Variants in PPP1R9A observed in about 807,000 individuals in gnomAD.
The protein encoded by PPP1R9A is protein phosphatase 1 regulatory subunit 9A.
Under a neutral mutation model 141.9 loss-of-function variants are expected in PPP1R9A, and 59 were observed. The ratio of observed to expected loss-of-function variants is 0.42; its 90% CI spans 0.34 to 0.52. The LOEUF (loss-of-function observed/expected upper bound fraction) is 0.52. PPP1R9A is among the 20% of genes least tolerant of loss of function. The probability of loss-of-function intolerance (pLI) is 0.10; values close to 1 mark genes in which losing one functional copy is unlikely to be tolerated. For synonymous variants in PPP1R9A, 500 were observed against 569.7 expected (o/e 0.88, Z 1.74); for missense variants, 1,444 against 1,611.9 (o/e 0.90, Z 1.78).
At chr7:94,929,122 C>G (rs990729802) in intron 2 of PPP1R9A, among the ~76,000 whole-genome samples, 2 of 152,168 alleles carry the variant, frequency 1.3e-5, no homozygotes, top group African/African-American at 4.8e-5. Flanking sequence ...CTGCCATTTT[C>G]AATTATCGGA....
intron 2 of PPP1R9A, among the ~76,000 whole-genome samples, chr7:94,947,186 G>A (rs925732209): frequency 1.3e-5 from 2 of 152,242 alleles, no homozygotes; most frequent in Admixed American, 6.5e-5. Context: ...CTCTGGAGCT[G>A]GTCAGGTGAA....
At chr7:95,125,057 C>A (rs1823323808) in intron 4 of PPP1R9A, among the ~76,000 whole-genome samples, 1 of 152,178 alleles carries the variant, frequency 6.6e-6, no homozygotes, top group South Asian at 2.1e-4. Context: ...TCAAGCTTTT[C>A]ATGTGTGTAC....
At position 95,223,564 on chromosome 7, in the gene PPP1R9A, G is replaced by C. The variant is rs147393474; in HGVS notation, c.1957-2397G>C. Among the ~76,000 whole-genome samples, 5 of 151,950 alleles carry C rather than the reference G, an allele frequency of 3.3e-5. No individual in the cohort carries two copies. In the East Asian group the frequency reaches 9.7e-4, roughly 29 times the overall value. ...TTTGCTGAGATCCTGTTATATGTCA[G>C]GTCCCATCCTAGGCACATATTTATA... On this transcript the variant is annotated intron_variant, in intron 7 of 19. Coordinates refer to ENST00000433360, the MANE Select transcript of PPP1R9A (RefSeq NM_001166160.2).
At chr7:94,929,040 A>T (rs1161074727) in intron 2 of PPP1R9A, among the ~76,000 whole-genome samples, 2 of 152,224 alleles carry the variant, frequency 1.3e-5, no homozygotes, top group Non-Finnish European at 2.9e-5. Context: ...GTAAATGAAT[A>T]TACTTCTAGG....
chr7:95,111,303 C>G lies in PPP1R9A; in HGVS notation c.1440C>G (p.Asp480Glu), dbSNP rs748439693. 6.2e-7 allele frequency: 1 copy of G among 1,612,260 alleles called. No homozygotes were observed. The highest frequency in any genetic ancestry group is 8.5e-7 in the Non-Finnish European group (1 of 1,179,072). Residue 480 changes from aspartate to glutamate, a missense_variant, in exon 3 of 20, where the codon GAC (aspartate) becomes GAG (glutamate). Asp to Glu is a conservative substitution (Grantham distance 45). This residue lies in a region of PPP1R9A where 488 missense variants were observed against 542.0 expected (regional missense o/e 0.90). Transcript: ENST00000433360. ...ATGAAGACTATGACAGGAGAAATGA[C>G]GAAGTTGACCCTGTGGCTGCTTCAG... ...YSNEDYDRRNDEVDPVAASAE... is the reference protein window; with the variant it reads ...YSNEDYDRRNEEVDPVAASAE...
chr7:95,195,445 T>C (rs998723619), intron 5 of PPP1R9A, among the ~76,000 whole-genome samples: 2 of 134,396 alleles, frequency 1.5e-5, no homozygotes, highest in African/African-American at 5.5e-5. Flanking sequence ...CACACCTGGC[T>C]TTTTTTTTTT....
intron 2 of PPP1R9A, among the ~76,000 whole-genome samples, chr7:94,934,061 C>G (rs559005558): frequency 6.6e-6 from 1 of 152,192 alleles, no homozygotes; most frequent in African/African-American, 2.4e-5. Flanking sequence ...TCTTTGAAAA[C>G]TTTTGTGAAA....
intron 16 of PPP1R9A, among the ~76,000 whole-genome samples, chr7:95,282,158 CT>C (rs1804370076): frequency 6.6e-6 from 1 of 151,856 alleles, no homozygotes; most frequent in Non-Finnish European, 1.5e-5. Context: ...TAATAAACCC[CT>C]ATCTCTACAA....
intron 2 of PPP1R9A, among the ~76,000 whole-genome samples, chr7:94,934,957 C>T (rs977839579): frequency 6.6e-6 from 1 of 152,130 alleles, no homozygotes; most frequent in African/African-American, 2.4e-5. Flanking sequence ...CTCCTGGGCT[C>T]AAGTGATCCT....
intron 7 of PPP1R9A, among the ~76,000 whole-genome samples, chr7:95,214,846 G>A (rs1269668881): frequency 1.3e-5 from 2 of 152,160 alleles, no homozygotes; most frequent in Non-Finnish European, 2.9e-5. Context: ...CCAATGACCT[G>A]ACAAGGTGAG....
chr7:95,024,916 G>T (rs1455764548), intron 2 of PPP1R9A, among the ~76,000 whole-genome samples: 1 of 152,066 alleles, frequency 6.6e-6, no homozygotes, highest in African/African-American at 2.4e-5. Flanking sequence ...GGCTCGTATC[G>T]ATTATTCCTT....
intron 6 of PPP1R9A, chr7:95,202,772 T>C (rs1321588031): frequency 5.7e-6 from 1 of 175,434 alleles, no homozygotes; most frequent in Non-Finnish European, 1.1e-5. Context: ...GTGTATATAT[T>C]ATGAGTATTT....
intron 2 of PPP1R9A, among the ~76,000 whole-genome samples, chr7:95,110,234 TAGAAC>T (rs1820314130): frequency 6.6e-6 from 1 of 152,190 alleles, no homozygotes; most frequent in Non-Finnish European, 1.5e-5. Context: ...AAAGTGTCCA[TAGAAC>T]AGCAGGGCCA....
At chr7:95,227,960 T>C (rs1252921999) in intron 8 of PPP1R9A, among the ~76,000 whole-genome samples, 2 of 152,206 alleles carry the variant, frequency 1.3e-5, no homozygotes, top group Non-Finnish European at 2.9e-5. Flanking sequence ...CACTCTTTTG[T>C]GACATTTGTA....
chr7:95,209,197 TCTG>T (rs1342227143), intron 7 of PPP1R9A, among the ~76,000 whole-genome samples: 3 of 152,328 alleles, frequency 2.0e-5, no homozygotes, highest in East Asian at 1.9e-4. Context: ...TAATTTAAAA[TCTG>T]CTGTGTATAA....
chr7:95,023,151 T>G (rs1024305413), intron 2 of PPP1R9A, among the ~76,000 whole-genome samples: 1 of 152,218 alleles, frequency 6.6e-6, no homozygotes, highest in African/African-American at 2.4e-5. Flanking sequence ...TGCCTCAGTT[T>G]TAGAACTTGT....
rs1432988411 is a variant in PPP1R9A at position 95,277,267 on chromosome 7, T to C, written c.3296+3099T>C. 2.6e-5 allele frequency among the ~76,000 whole-genome samples: 4 copies of C among 152,312 alleles called. No homozygotes were observed. In the South Asian group the frequency reaches 6.2e-4, roughly 24 times the overall value. On this transcript the variant is annotated intron_variant, in intron 16 of 19. Coordinates refer to ENST00000433360, the MANE Select transcript of PPP1R9A (RefSeq NM_001166160.2). ...TTTCCTCTCTATAAAGAGTTTACCT[T>C]GTTGTGTTTCTGTGGATACATAATG...
At chr7:95,229,670 G>A (rs1795643285) in intron 8 of PPP1R9A, among the ~76,000 whole-genome samples, 1 of 152,086 alleles carries the variant, frequency 6.6e-6, no homozygotes, top group Non-Finnish European at 1.5e-5. Flanking sequence ...CAACCTGGTG[G>A]TCTTACTCTA....
At chr7:95,289,932 C>A (rs1806096893) in intron 19 of PPP1R9A, among the ~76,000 whole-genome samples, 159 bp from the exon 20 acceptor site, 1 of 152,108 alleles carries the variant, frequency 6.6e-6, no homozygotes. Context: ...AAAGGGTAGC[C>A]CCCAGTGTGT....
Sources: gnomAD v4.1 joint callset for allele counts (sites outside exome capture counted in the v4.1 genomes callset) on GRCh38, gnomAD v4.1.1 for gene constraint, gnomAD v4.1.1 regional missense constraint, MANE v1.5 for transcripts, NCBI Gene and HGNC (gene_info 2026-07-23, HGNC 2026-07-21) for gene names.